Variants in TRDN observed in about 807,000 individuals in gnomAD.
The protein encoded by TRDN is triadin.
A neutral mutation model predicts 149.7 loss-of-function variants in TRDN; 161 were observed. The ratio of observed to expected loss-of-function variants is 1.08; its 90% CI spans 0.95 to 1.23. The LOEUF (loss-of-function observed/expected upper bound fraction) is 1.23. Among genes scored for constraint, TRDN ranks in the 50% most tolerant of loss-of-function variants. TRDN has a pLI of 0.00. For missense variants in TRDN, 896 were observed against 823.5 expected, an observed-to-expected ratio of 1.09 and a Z score of -1.08; for synonymous variants, 294 against 250.5, an observed-to-expected ratio of 1.17 and a Z score of -1.64.
chr6:123,268,851 A>T (rs1777108239), intron 31 of TRDN, among the ~76,000 whole-genome samples: 1 of 152,042 alleles, frequency 6.6e-6, no homozygotes, highest in Non-Finnish European at 1.5e-5. Context: ...TTATAACAGC[A>T]TTAATAATAA....
At chr6:123,421,502 A>G (rs1320182808) in intron 12 of TRDN, 1 of 151,914 alleles carries the variant, frequency 6.6e-6, no homozygotes, top group African/African-American at 2.4e-5. Flanking sequence ...TTCATTTCCC[A>G]CTGTCTCTGC....
At chr6:123,247,284 T>TC (rs1776216915) in intron 38 of TRDN, among the ~76,000 whole-genome samples, 1 of 148,344 alleles carries the variant, frequency 6.7e-6, no homozygotes, top group Admixed American at 6.7e-5. Context: ...AAGCATATTT[T>TC]AATAGGAAGA....
chr6:123,531,980 A>T (rs940982660), intron 4 of TRDN, among the ~76,000 whole-genome samples: 2 of 152,038 alleles, frequency 1.3e-5, no homozygotes, highest in African/African-American at 4.8e-5. Flanking sequence ...ATGTCCAGAG[A>T]CTTTGCCAAA....
chr6:123,596,369 A>T (rs1485573685), intron 1 of TRDN, among the ~76,000 whole-genome samples: 11 of 152,100 alleles, frequency 7.2e-5, no homozygotes, highest in Admixed American at 7.2e-4. Flanking sequence ...TCTCCATAAG[A>T]TAGAAGTGCA....
intron 20 of TRDN, among the ~76,000 whole-genome samples, chr6:123,359,762 C>T (rs904394056): frequency 6.6e-6 from 1 of 152,122 alleles, no homozygotes; most frequent in African/African-American, 2.4e-5. Flanking sequence ...GTGGCCGGAT[C>T]TCGGCTCACC....
Position 123,375,601 on chromosome 6 carries a change from A to C in TRDN, c.1273+4T>G. ...CTCTTCTTTAAAAATTTTGTTCAACATACTTGCTTTTACTTGTTTGTCACT... is the reference window on the plus strand; with the variant it reads ...CTCTTCTTTAAAAATTTTGTTCAACCTACTTGCTTTTACTTGTTTGTCACT... On this transcript the variant is annotated splice_donor_region_variant and intron_variant, in intron 19 of 40. Transcript: ENST00000334268. 6.5e-7 allele frequency: 1 copy of C among 1,534,840 alleles called. No homozygotes were observed. Among genetic ancestry groups the C allele is most frequent in the Non-Finnish European group, 8.8e-7 (1 of 1,139,488 alleles).
chr6:123,356,265 G>A (rs1053601733), intron 20 of TRDN, among the ~76,000 whole-genome samples: 2 of 151,302 alleles, frequency 1.3e-5, no homozygotes, highest in African/African-American at 2.4e-5. Context: ...TTTTGCAGAT[G>A]TTTTATCAGA....
rs556270339 is a variant in TRDN at position 123,481,525 on chromosome 6, A to G, written c.853+15668T>C. ...ATATATAGCCATTTGAAAAAATTCT[A>G]TAATTTCCCCTGGTTCAATTTCCTA... On this transcript the variant is annotated intron_variant, in intron 9 of 40. Coordinates refer to ENST00000334268, the MANE Select transcript of TRDN (RefSeq NM_006073.4). Among the ~76,000 whole-genome samples the G allele has an allele frequency of 2.6e-5, 4 of 152,090 alleles. No individual in the cohort carries two copies. The East Asian group carries it at 5.8e-4, about 22-fold the overall frequency.
At chr6:123,416,071 G>C (rs1773637623) in intron 12 of TRDN, among the ~76,000 whole-genome samples, 1 of 152,070 alleles carries the variant, frequency 6.6e-6, no homozygotes, top group African/African-American at 2.4e-5. Flanking sequence ...CTTTTCTGAA[G>C]AGAATTTCAT....
intron 7 of TRDN, among the ~76,000 whole-genome samples, chr6:123,507,281 A>G (rs1484765490): frequency 6.6e-6 from 1 of 152,106 alleles, no homozygotes; most frequent in Non-Finnish European, 1.5e-5. Context: ...ATAGTATGGA[A>G]CTATAGATGT....
At chr6:123,615,537 T>C (rs375943229) in intron 1 of TRDN, among the ~76,000 whole-genome samples, 5,007 of 149,060 alleles carry the variant, frequency 0.034, 128 homozygotes, top group African/African-American at 0.07. Context: ...AACATGTATA[T>C]ACACACACAC....
chr6:123,614,288 T>TAAAAAAAAAAAAAAAAAAAAAAAAA (rs1216969453), intron 1 of TRDN, among the ~76,000 whole-genome samples: 1 of 59,314 alleles, frequency 1.7e-5, no homozygotes, highest in Non-Finnish European at 3.5e-5. Context: ...AGTGCTTCAT[T>TAAAAAAAAAAAAAAAAAAAAAAAAA]AAAAAAAAAA....
intron 12 of TRDN, among the ~76,000 whole-genome samples, chr6:123,418,313 G>A (rs4897228): frequency 0.34 from 51,711 of 151,944 alleles, 9,136 homozygotes; most frequent in African/African-American, 0.41. Flanking sequence ...CATGCTGTGT[G>A]TGTGTGTATG....
intron 24 of TRDN, among the ~76,000 whole-genome samples, chr6:123,286,139 GA>G (rs1245595287): frequency 2.6e-5 from 4 of 152,106 alleles, no homozygotes; most frequent in Admixed American, 1.3e-4. Flanking sequence ...ACTAAAAGTA[GA>G]ACTATCATTT....
intron 21 of TRDN, among the ~76,000 whole-genome samples, chr6:123,343,886 C>T (rs560900052): frequency 4.6e-5 from 7 of 152,068 alleles, no homozygotes; most frequent in African/African-American, 1.4e-4. Context: ...ATCCTACTCC[C>T]AATGTTATGG....
chr6:123,348,808 A>C (rs1156754), intron 21 of TRDN, among the ~76,000 whole-genome samples: 106,221 of 151,916 alleles, frequency 0.7, 38,633 homozygotes, highest in East Asian at 0.92. Flanking sequence ...CATTATAATG[A>C]ACTTCTGATT....
intron 4 of TRDN, among the ~76,000 whole-genome samples, chr6:123,534,005 T>C (rs1780391141): frequency 6.6e-6 from 1 of 152,244 alleles, no homozygotes; most frequent in African/African-American, 2.4e-5. Context: ...AGCCTCATTT[T>C]TTATTTTCCT....
chr6:123,306,845 TTTAC>T (rs1352792794), intron 24 of TRDN, among the ~76,000 whole-genome samples: 3 of 152,056 alleles, frequency 2.0e-5, no homozygotes, highest in African/African-American at 7.2e-5. Flanking sequence ...TATCTTTATT[TTTAC>T]TTCAAATGCA....
chr6:123,497,225 A>C lies in TRDN; in HGVS notation c.821T>G (p.Ile274Ser). The change falls in exon 9 of 41, where the codon ATT becomes AGT. Residue 274 changes from isoleucine (I) to serine (S), a missense_variant. Physicochemically the swap from Ile to Ser is moderately radical, Grantham distance 142 (BLOSUM62 -2). Transcript: ENST00000334268. ...KDQYAFCRYM[I>S]DIFVHGDLKP... ...TAAATCCCCATGGACAAATATGTCAATCATATATCGACAGAATGCATACTG... is the reference window on the plus strand; with the variant it reads ...TAAATCCCCATGGACAAATATGTCACTCATATATCGACAGAATGCATACTG... 1 of 1,560,220 alleles carries C rather than the reference A, an allele frequency of 6.4e-7. No homozygotes were observed. The highest frequency in any genetic ancestry group is 8.7e-7 in the Non-Finnish European group (1 of 1,153,890).
Sources: allele counts gnomAD v4.1 joint callset (sites outside exome capture counted in the v4.1 genomes callset), GRCh38; gene constraint gnomAD v4.1.1; transcripts MANE v1.5; gene names NCBI Gene and HGNC (gene_info 2026-07-23, HGNC 2026-07-21).